EFHC2: variants seen among roughly 807,000 people sequenced by gnomAD.
EFHC2 encodes the protein EF-hand domain containing 2.
Under a neutral mutation model 52.7 loss-of-function variants are expected in EFHC2, and 18 were observed. That is an observed-to-expected ratio of 0.34 (90% CI 0.24 to 0.51). EFHC2 has a LOEUF of 0.51. Ranked by LOEUF, EFHC2 falls within the 20% of genes least tolerant of loss-of-function variation. The probability of loss-of-function intolerance (pLI) is 0.97; values close to 1 mark genes in which losing one functional copy is unlikely to be tolerated. For missense variants in EFHC2, 513 were observed against 562.5 expected (o/e 0.91, Z 0.89); for synonymous variants, 203 against 204.1 (o/e 0.99, Z 0.04).
rs148015438 is a variant in EFHC2, at chrX:44,329,442, C to T, written c.42+14105G>A. Among the ~76,000 whole-genome samples the T allele has an allele frequency of 2.6e-3, 287 of 111,343 alleles. 8 individuals carry two copies. The East Asian group carries it at 0.076, about 29-fold the overall frequency. Reference sequence around the variant, plus strand: ...CAGACAACTCAAAAGACAACCCACACGAATATGCTCAAATGGTTTTGTAAA... The same window carrying T: ...CAGACAACTCAAAAGACAACCCACATGAATATGCTCAAATGGTTTTGTAAA... On this transcript the variant is annotated intron_variant, in intron 1 of 14. Coordinates refer to ENST00000420999, the MANE Select transcript of EFHC2 (RefSeq NM_025184.4).
At chrX:44,200,091 G>A (rs1353112683) in intron 11 of EFHC2, among the ~76,000 whole-genome samples, 1 of 111,817 alleles carries the variant, frequency 8.9e-6, no homozygotes, top group African/African-American at 3.3e-5. Flanking sequence ...AATTGTTTGG[G>A]TTTAATAATT....
At chrX:44,182,357 G>C (rs956311409) in intron 11 of EFHC2, among the ~76,000 whole-genome samples, 2 of 112,032 alleles carry the variant, frequency 1.8e-5, no homozygotes, top group East Asian at 2.8e-4. Flanking sequence ...TGGACATGTG[G>C]GTTACTTCCA....
chrX:44,231,202 A>G (rs1288574006), intron 10 of EFHC2, among the ~76,000 whole-genome samples: 2 of 112,057 alleles, frequency 1.8e-5, no homozygotes, highest in African/African-American at 3.2e-5. Flanking sequence ...GGAGAAGAGC[A>G]TTGTTGGCTG....
chrX:44,266,872 G>C (rs2037582149), intron 3 of EFHC2, among the ~76,000 whole-genome samples: 1 of 111,159 alleles, frequency 9.0e-6, no homozygotes, highest in African/African-American at 3.3e-5. Context: ...GCCTGATCAA[G>C]CAGATTATCT....
At position 44,312,657 on chromosome X, in the gene EFHC2, G is replaced by T; in HGVS notation, c.142C>A (p.Leu48Ile). The T allele has an allele frequency of 4.1e-6, 5 of 1,209,960 alleles. No homozygotes were observed. Among genetic ancestry groups the T allele is most frequent in the Non-Finnish European group, 5.6e-6 (5 of 894,475 alleles). Residue 48 changes from leucine (L) to isoleucine (I), a missense_variant, in exon 2 of 15, where the codon CTT becomes ATT. By Grantham distance (5) the Leu-to-Ile change is conservative. Coordinates refer to ENST00000420999, the MANE Select transcript of EFHC2 (RefSeq NM_025184.4). ...DEKPGIGGEPLLGQKIKPKCS... is the reference protein window; with the variant it reads ...DEKPGIGGEPILGQKIKPKCS... ...TTAGGCTTTATCTTTTGCCCCAGAAGTGGTTCTCCACCTATTCCAGGCTTT... is the reference window on the plus strand; with the variant it reads ...TTAGGCTTTATCTTTTGCCCCAGAATTGGTTCTCCACCTATTCCAGGCTTT...
chrX:44,168,267 T>G (rs2036713367), intron 13 of EFHC2, among the ~76,000 whole-genome samples: 1 of 112,011 alleles, frequency 8.9e-6, no homozygotes, highest in African/African-American at 3.3e-5. Context: ...GCGTGGTGGC[T>G]CACGCCTGTA....
At chrX:44,226,149 G>A (rs959538174) in intron 11 of EFHC2, among the ~76,000 whole-genome samples, 2 of 111,831 alleles carry the variant, frequency 1.8e-5, no homozygotes, top group African/African-American at 6.5e-5. Flanking sequence ...GCAAACTCAT[G>A]TGACACACTG....
At chrX:44,152,447 A>C (rs190149635) in intron 14 of EFHC2, among the ~76,000 whole-genome samples, 1 of 111,561 alleles carries the variant, frequency 9.0e-6, no homozygotes, top group Non-Finnish European at 1.9e-5. Flanking sequence ...TTCGTCCTAC[A>C]TAGCTACATT....
chrX:44,307,161 G>A (rs997868097), intron 2 of EFHC2, among the ~76,000 whole-genome samples: 7 of 110,710 alleles, frequency 6.3e-5, no homozygotes, highest in African/African-American at 2.3e-4. Context: ...TGTCACAGCT[G>A]GGGGTGGGGG....
At chrX:44,319,255 A>T (rs1312871230) in intron 1 of EFHC2, among the ~76,000 whole-genome samples, 2 of 110,808 alleles carry the variant, frequency 1.8e-5, no homozygotes, top group African/African-American at 6.6e-5. Context: ...CGCCTGCCTC[A>T]GCCTCCCAAA....
At chrX:44,309,590 C>A in intron 2 of EFHC2, 1 of 1,162,955 alleles carries the variant, frequency 8.6e-7, no homozygotes, top group Non-Finnish European at 1.2e-6. Flanking sequence ...TCTATCTGAA[C>A]AGCATTGATA....
intron 13 of EFHC2, among the ~76,000 whole-genome samples, chrX:44,168,655 A>G (rs2036718868): frequency 8.9e-6 from 1 of 111,898 alleles, no homozygotes; most frequent in Non-Finnish European, 1.9e-5. Context: ...AAGAAGCTCC[A>G]GTTTGGGGAG....
intron 3 of EFHC2, among the ~76,000 whole-genome samples, chrX:44,262,512 C>CAAAAAAAA (rs749239313): frequency 2.7e-4 from 8 of 29,197 alleles, no homozygotes; most frequent in African/African-American, 5.5e-4. Flanking sequence ...AGCCCTGTCT[C>CAAAAAAAA]AAAAAAAAAA....
Position 44,232,661 on chromosome X carries a change from C to T in EFHC2, c.1440G>A (p.Met480Ile). 1.7e-6 allele frequency: 2 copies of T among 1,195,168 alleles called. No individual in the cohort carries two copies. Among genetic ancestry groups the T allele is most frequent in the African/African-American group, 1.7e-5 (1 of 57,478 alleles). ...IERNSGIAGG[M>I]FLKRSRVKKP... ...TCTTAACGCGACTTCTTTTCAAGAA[C>T]ATCCCACCAGCAATTCCTATAAAAA... Residue 480 changes from methionine (M) to isoleucine (I), a missense_variant, in exon 10 of 15, where the codon ATG becomes ATA. Met to Ile is a conservative substitution (Grantham distance 10). Transcript: ENST00000420999.
chrX:44,289,334 G>A (rs2037775144), intron 2 of EFHC2, among the ~76,000 whole-genome samples: 1 of 111,303 alleles, frequency 9.0e-6, no homozygotes, highest in Non-Finnish European at 1.9e-5. Context: ...ACTTTTTCAG[G>A]AAAAGTATGT....
intron 5 of EFHC2, among the ~76,000 whole-genome samples, chrX:44,249,294 C>T (rs919782634): frequency 9.0e-6 from 1 of 110,992 alleles, no homozygotes; most frequent in Non-Finnish European, 1.9e-5. Flanking sequence ...TTATTTGCCT[C>T]GGAAATTAGC....
At chrX:44,181,198 G>A (rs2036832791) in intron 11 of EFHC2, among the ~76,000 whole-genome samples, 1 of 111,485 alleles carries the variant, frequency 9.0e-6, no homozygotes, top group South Asian at 3.7e-4. Flanking sequence ...CAAGATACAG[G>A]TGCACATATG....
intron 2 of EFHC2, chrX:44,310,612 G>A (rs1363176354): frequency 5.8e-5 from 15 of 259,069 alleles, no homozygotes; most frequent in Non-Finnish European, 9.7e-5. Flanking sequence ...TGTAGAAAGC[G>A]CTTTATAATT....
intron 9 of EFHC2, among the ~76,000 whole-genome samples, chrX:44,234,013 T>C (rs1046393021): frequency 4.1e-4 from 46 of 111,943 alleles, no homozygotes; most frequent in African/African-American, 1.3e-3. Context: ...CTTCCCTCTG[T>C]GCTTCACAAG....
Sources: gnomAD v4.1 joint callset for allele counts (sites outside exome capture counted in the v4.1 genomes callset) on GRCh38, gnomAD v4.1.1 for gene constraint, MANE v1.5 for transcripts, NCBI Gene and HGNC (gene_info 2026-07-23, HGNC 2026-07-21) for gene names.